The following OGA variants were observed in gnomAD, a reference collection of about 807,000 sequenced individuals.
OGA encodes O-GlcNAcase.
OGA carries 21 observed loss-of-function variants against 102.0 expected under a neutral mutation model. The observed-to-expected ratio is 0.21, with a 90% CI of 0.15 to 0.30. OGA has a LOEUF of 0.30. Ranked by LOEUF, OGA falls within the 10% of genes least tolerant of loss-of-function variation. The pLI is 1.00. For missense variants in OGA, 765 were observed against 1,107.8 expected (o/e 0.69, Z 4.39); for synonymous variants, 408 against 378.2 (o/e 1.08, Z -0.91).
intron 6 of OGA, 48 bp downstream of exon 6, chr10:101,805,997 A>T (rs970185681): frequency 2.3e-6 from 3 of 1,278,042 alleles, no homozygotes; most frequent in Admixed American, 1.8e-5. Flanking sequence ...CAATTTCTGC[A>T]AGTCCTACTT....
intron 1 of OGA, among the ~76,000 whole-genome samples, chr10:101,815,984 A>AAAAAAAAAAAAAC (rs2065618791): frequency 6.7e-6 from 1 of 148,560 alleles, no homozygotes. Context: ...AAAAAAAAAA[A>AAAAAAAAAAAAAC]AAAAAAGCCA....
chr10:101,799,370 G>A lies in OGA; in HGVS notation c.1281C>T (p.Thr427=), dbSNP rs760276055. Residue 427 remains threonine, a synonymous_variant, in exon 9 of 16, where the codon ACC becomes ACT. Transcript: ENST00000361464. ...LVAAPSLNAT[T]VVTTVYQEPI... is the part of the protein sequence containing the mutation. ...GCTCCTGATAAACTGTTGTTACTAC[G>A]GTTGTGGCATTTAAAGAGGGTGCTG... The A allele has an allele frequency of 2.7e-5, 44 of 1,613,986 alleles. No homozygotes were observed. The highest frequency in any genetic ancestry group is 6.7e-5 in the African/African-American group (5 of 74,876).
intron 10 of OGA, chr10:101,795,742 T>A (rs1256071666): frequency 4.2e-6 from 1 of 236,216 alleles, no homozygotes; most frequent in East Asian, 1.8e-4. Context: ...TTGGCTTCCC[T>A]GGGCCACACT....
At chr10:101,793,395 G>T (rs1194651293) in intron 11 of OGA, among the ~76,000 whole-genome samples, 3 of 152,206 alleles carry the variant, frequency 2.0e-5, no homozygotes, top group Non-Finnish European at 4.4e-5. Flanking sequence ...GCGCAGCAGA[G>T]CACCTGTTGG....
chr10:101,818,135 C>T lies in OGA; in HGVS notation c.-113G>A. The T allele has an allele frequency of 7.2e-7, 1 of 1,391,782 alleles. No individual in the cohort carries two copies. The highest frequency in any genetic ancestry group is 9.3e-7 in the Non-Finnish European group (1 of 1,074,826). 86.2% of individuals were successfully genotyped at this position (1,391,782 alleles called of 1,614,324 possible). A position where few individuals can be genotyped will look rare whatever the true frequency, so the allele number is the denominator to read the frequency against. On this transcript the variant is annotated 5_prime_UTR_variant, in exon 1 of 16. Transcript: ENST00000361464. ...CAGCTCCAAGTGTGCGCCCCTCCGG[C>T]TCCTTCCCCTCCCCCTCTGCCCTTC...
At position 101,798,328 on chromosome 10, in the gene OGA, C is replaced by T. The variant is rs555199868; in HGVS notation, c.1810-174G>A. Among the ~76,000 whole-genome samples the T allele has an allele frequency of 5.3e-5, 8 of 152,116 alleles. No individual in the cohort carries two copies. The South Asian group carries it at 1.7e-3, about 32-fold the overall frequency. ...AATATTCCTAAAATAATGACCTTTC[C>T]TCATTCTTAACTAGAAGGGCAAACT... On this transcript the variant is annotated intron_variant, in intron 9 of 15. Coordinates refer to ENST00000361464, the MANE Select transcript of OGA (RefSeq NM_012215.5).
At chr10:101,810,735 G>A (rs1407285748) in intron 3 of OGA, among the ~76,000 whole-genome samples, 2 of 152,166 alleles carry the variant, frequency 1.3e-5, no homozygotes, top group Non-Finnish European at 2.9e-5. Context: ...GGCATAAAAT[G>A]CAGCCGCTGC....
intron 14 of OGA, among the ~76,000 whole-genome samples, chr10:101,790,587 C>A (rs978830514): frequency 2.6e-5 from 4 of 152,086 alleles, no homozygotes; most frequent in Non-Finnish European, 2.9e-5. Flanking sequence ...AAGACCATAA[C>A]ATCTTTAAGT....
intron 7 of OGA, among the ~76,000 whole-genome samples, chr10:101,802,765 T>C (rs1308166506): frequency 1.3e-5 from 2 of 151,898 alleles, no homozygotes; most frequent in Non-Finnish European, 2.9e-5. Context: ...TAAATAATTA[T>C]CAAGCACCTT....
chr10:101,810,127 T>C lies in OGA; in HGVS notation c.480+57A>G, dbSNP rs958623320. 12 of 1,459,946 alleles carry C rather than the reference T, an allele frequency of 8.2e-6. No individual in the cohort carries two copies. The African/African-American group carries it at 1.7e-4, about 21-fold the overall frequency. The allele number at this position is 1,459,946 out of a possible 1,614,324, so 90.4% of individuals were successfully genotyped here. A position where few individuals can be genotyped will look rare whatever the true frequency, so the allele number is the denominator to read the frequency against. The stretch of plus-strand genomic sequence containing the variant: ...TTTTAACATCGTAAAAGCAACTGAG[T>C]AAACTTCTAGTTTCAAGTACATAGT... On this transcript the variant is annotated intron_variant, in intron 4 of 15. Transcript: ENST00000361464.
intron 10 of OGA, among the ~76,000 whole-genome samples, chr10:101,795,567 C>T (rs1260120322): frequency 6.6e-6 from 1 of 152,172 alleles, no homozygotes; most frequent in Non-Finnish European, 1.5e-5. Flanking sequence ...TGAATGCCAG[C>T]TGGACTGGAG....
intron 6 of OGA, 52 bp from the exon 7 acceptor site, chr10:101,804,071 G>A (rs775650244): frequency 2.7e-5 from 41 of 1,509,224 alleles, no homozygotes; most frequent in East Asian, 6.8e-5. Context: ...TTGGCTAGAC[G>A]CATTGGCTCA....
At chr10:101,790,745 ATTCT>A in intron 14 of OGA, 147 bp downstream of exon 14, 1 of 555,072 alleles carries the variant, frequency 1.8e-6, no homozygotes, top group Non-Finnish European at 2.9e-6. Flanking sequence ...AGCCATAAGA[ATTCT>A]TTCTGCAAGA....
At position 101,811,104 on chromosome 10, in the gene OGA, G is replaced by C. The variant is rs6584458; in HGVS notation, c.350-790C>G. ...AAGAAAATGCTTTCTTAAGAATCAGGGTAGGCCAGGCCCAATGGCTCATGC... is the reference window on the plus strand; with the variant it reads ...AAGAAAATGCTTTCTTAAGAATCAGCGTAGGCCAGGCCCAATGGCTCATGC... On this transcript the variant is annotated intron_variant, in intron 3 of 15. Coordinates refer to ENST00000361464, the MANE Select transcript of OGA (RefSeq NM_012215.5). Among the ~76,000 whole-genome samples the C allele has an allele frequency of 3.3e-3, 498 of 152,056 alleles. 2 individuals are homozygous for C. The highest frequency in any genetic ancestry group is 0.011 in the African/African-American group (467 of 41,488).
chr10:101,811,406 G>GAAAAAAAAAAAAAAAAAAA (rs67433227), intron 3 of OGA, among the ~76,000 whole-genome samples: 2 of 45,704 alleles, frequency 4.4e-5, no homozygotes, highest in African/African-American at 9.9e-5. Context: ...GAAAAAAAAT[G>GAAAAAAAAAAAAAAAAAAA]AAAAAAAAAA....
intron 4 of OGA, among the ~76,000 whole-genome samples, chr10:101,809,602 T>A (rs1381435908): frequency 6.7e-6 from 1 of 149,654 alleles, no homozygotes; most frequent in Non-Finnish European, 1.5e-5. Context: ...TAACAGCTAC[T>A]CAGGAGGCTG....
At chr10:101,809,599 T>C (rs2065523750) in intron 4 of OGA, among the ~76,000 whole-genome samples, 1 of 150,432 alleles carries the variant, frequency 6.6e-6, no homozygotes, top group African/African-American at 2.5e-5. Context: ...CTGTAACAGC[T>C]ACTCAGGAGG....
intron 12 of OGA, 88 bp from the exon 13 acceptor site, chr10:101,791,527 G>T: frequency 1.0e-6 from 1 of 956,746 alleles, no homozygotes; most frequent in South Asian, 1.4e-5. Flanking sequence ...TGGGGAGGGA[G>T]TAACAAAATG....
rs67433227 is a variant in OGA, at chr10:101,811,406, GAAAAAAAAAAAA to G, written c.350-1104_350-1093del. On this transcript the variant is annotated intron_variant, in intron 3 of 15. Transcript: ENST00000361464. ...TCCATCTCAAAAAATGAAAAAAAATGAAAAAAAAAAAAAAAAAAAAAAAAAATGAATCACACC... is the reference window on the plus strand; with the variant it reads ...TCCATCTCAAAAAATGAAAAAAAATGAAAAAAAAAAAAAATGAATCACACC... Among the ~76,000 whole-genome samples the G allele has an allele frequency of 1.5e-3, 68 of 45,688 alleles. No homozygotes were observed. In the East Asian group the frequency reaches 0.03, roughly 20 times the overall value. 30.0% of individuals were successfully genotyped at this position (45,688 alleles called of 152,430 possible).
Sources: allele counts gnomAD v4.1 joint callset (sites outside exome capture counted in the v4.1 genomes callset), GRCh38; gene constraint gnomAD v4.1.1; transcripts MANE v1.5; gene names NCBI Gene and HGNC (gene_info 2026-07-23, HGNC 2026-07-21).